The following CNTNAP5 variants were observed in gnomAD, a reference collection of about 807,000 sequenced individuals.
CNTNAP5 encodes contactin associated protein family member 5.
Under a neutral mutation model 150.2 loss-of-function variants are expected in CNTNAP5, and 72 were observed. The observed-to-expected ratio is 0.48, with a 90% CI of 0.40 to 0.58. The LOEUF is 0.58. Ranked by LOEUF, CNTNAP5 falls within the 20% of genes least tolerant of loss-of-function variation. CNTNAP5 has a pLI of 0.00. For missense variants in CNTNAP5, 1,636 were observed against 1,626.2 expected (o/e 1.01, Z -0.10); for synonymous variants, 672 against 619.8 (o/e 1.08, Z -1.25).
chr2:124,060,097 GA>G (rs1388934524), intron 1 of CNTNAP5, among the ~76,000 whole-genome samples: 2 of 152,130 alleles, frequency 1.3e-5, no homozygotes, highest in Non-Finnish European at 2.9e-5. Context: ...AGAAGTTTAA[GA>G]AATTCTATTT....
intron 13 of CNTNAP5, among the ~76,000 whole-genome samples, chr2:124,655,557 A>G (rs1678425776): frequency 1.4e-5 from 2 of 141,818 alleles, no homozygotes; most frequent in Non-Finnish European, 3.2e-5. Flanking sequence ...ATATATATAT[A>G]TATTTACCAA....
intron 1 of CNTNAP5, among the ~76,000 whole-genome samples, chr2:124,142,691 AG>A (rs1304895349): frequency 7.9e-6 from 1 of 126,446 alleles, no homozygotes; most frequent in African/African-American, 3.2e-5. Context: ...AAAGCAGGAA[AG>A]ATCCAAAATT....
At chr2:124,118,477 G>A (rs1398252829) in intron 1 of CNTNAP5, among the ~76,000 whole-genome samples, 1 of 152,194 alleles carries the variant, frequency 6.6e-6, no homozygotes, top group Non-Finnish European at 1.5e-5. Context: ...TTGTTTTCCA[G>A]TAAGAAACTG....
chr2:124,576,732 T>A (rs1346428045), intron 11 of CNTNAP5, among the ~76,000 whole-genome samples: 3 of 152,214 alleles, frequency 2.0e-5, no homozygotes, highest in Non-Finnish European at 2.9e-5. Flanking sequence ...TGGGAAATTA[T>A]TCACCTTCTC....
intron 6 of CNTNAP5, 114 bp downstream of exon 6, chr2:124,447,051 CTGGGACTTACTTCCTCCATCTA>C (rs1225603173): frequency 2.1e-6 from 2 of 933,612 alleles, no homozygotes; most frequent in African/African-American, 3.3e-5. Context: ...GAGTCTTACC[CTGGGACTTACTTCCTCCATCTA>C]TGCCAGATAG....
rs139326665 is a variant in CNTNAP5, at chr2:124,466,352, G to T, written c.919-8387G>T. ...TTTCTTTACTTATGACTTAAAATTT[G>T]ATGGTTTCCTGTAGATTTTGGTCAC... On this transcript the variant is annotated intron_variant, in intron 6 of 23. Coordinates refer to ENST00000682447, the MANE Select transcript of CNTNAP5 (RefSeq NM_001367498.1). Among the ~76,000 whole-genome samples, 306 of 152,158 alleles carry T rather than the reference G, an allele frequency of 2.0e-3. 1 individual carries two copies. Among genetic ancestry groups the T allele is most frequent in the African/African-American group, 6.9e-3 (288 of 41,518 alleles).
At chr2:124,332,047 A>C (rs868382750) in intron 3 of CNTNAP5, among the ~76,000 whole-genome samples, 6 of 151,846 alleles carry the variant, frequency 4.0e-5, no homozygotes, top group Middle Eastern at 6.8e-3. Flanking sequence ...TCCTTTATAA[A>C]ATTTTTATAA....
At chr2:124,714,126 T>A (rs576236494) in intron 13 of CNTNAP5, among the ~76,000 whole-genome samples, 1 of 152,156 alleles carries the variant, frequency 6.6e-6, no homozygotes, top group Admixed American at 6.6e-5. Flanking sequence ...TTTGCTCCCA[T>A]GGTGTTCCAT....
chr2:124,120,927 C>G (rs944353441), intron 1 of CNTNAP5, among the ~76,000 whole-genome samples: 1 of 152,018 alleles, frequency 6.6e-6, no homozygotes, highest in Non-Finnish European at 1.5e-5. Context: ...TGAGGGGTCT[C>G]TGTTGGATCT....
chr2:124,567,959 A>T (rs753822663), intron 11 of CNTNAP5, among the ~76,000 whole-genome samples: 53 of 152,320 alleles, frequency 3.5e-4, no homozygotes, highest in South Asian at 1.0e-3. Flanking sequence ...TACAGATGAG[A>T]ACATTGAGGC....
intron 12 of CNTNAP5, among the ~76,000 whole-genome samples, chr2:124,629,350 TAACA>T (rs1230606705): frequency 6.6e-6 from 1 of 152,164 alleles, no homozygotes; most frequent in East Asian, 1.9e-4. Flanking sequence ...ACTGAAATTA[TAACA>T]AACAATCTCT....
intron 12 of CNTNAP5, among the ~76,000 whole-genome samples, chr2:124,630,608 G>A (rs1488360569): frequency 6.6e-6 from 1 of 152,112 alleles, no homozygotes; most frequent in Non-Finnish European, 1.5e-5. Context: ...AAAACCCACA[G>A]CCAACATCAT....
At chr2:124,836,580 G>A (rs1181393757) in intron 19 of CNTNAP5, among the ~76,000 whole-genome samples, 1 of 152,096 alleles carries the variant, frequency 6.6e-6, no homozygotes, top group African/African-American at 2.4e-5. Flanking sequence ...CCTCAAGAAA[G>A]CATAGTAACC....
intron 2 of CNTNAP5, among the ~76,000 whole-genome samples, chr2:124,239,112 T>A (rs1358123476): frequency 6.6e-6 from 1 of 152,196 alleles, no homozygotes; most frequent in Admixed American, 6.5e-5. Flanking sequence ...AAGCTAAGTT[T>A]TTTTACTGTG....
intron 1 of CNTNAP5, among the ~76,000 whole-genome samples, chr2:124,157,111 T>C (rs1235308749): frequency 2.0e-5 from 3 of 152,196 alleles, no homozygotes; most frequent in Non-Finnish European, 4.4e-5. Context: ...AAGTGTAAAA[T>C]GAAGAACGTG....
At chr2:124,488,389 A>T in intron 7 of CNTNAP5, among the ~76,000 whole-genome samples, 1 of 152,136 alleles carries the variant, frequency 6.6e-6, no homozygotes, top group East Asian at 1.9e-4. Context: ...TTGTGGTTTC[A>T]GTTTGGGAAA....
chr2:124,385,366 C>T (rs947174136), intron 3 of CNTNAP5, among the ~76,000 whole-genome samples: 1 of 152,154 alleles, frequency 6.6e-6, no homozygotes. Context: ...TTTCTCTTTA[C>T]CCCACTTCAA....
intron 2 of CNTNAP5, among the ~76,000 whole-genome samples, chr2:124,239,165 A>T (rs1272462215): frequency 1.3e-5 from 2 of 151,492 alleles, no homozygotes; most frequent in Non-Finnish European, 2.9e-5. Context: ...ATTTGCAGAA[A>T]CTTTAATGCT....
At chr2:124,627,160 G>A (rs533816144) in intron 12 of CNTNAP5, among the ~76,000 whole-genome samples, 64 of 152,222 alleles carry the variant, frequency 4.2e-4, no homozygotes, top group East Asian at 1.2e-3. Flanking sequence ...CCTGCCTGCC[G>A]GCTCTGAAAA....
Sources: gnomAD v4.1 joint callset for allele counts (sites outside exome capture counted in the v4.1 genomes callset) on GRCh38, gnomAD v4.1.1 for gene constraint, MANE v1.5 for transcripts, NCBI Gene and HGNC (gene_info 2026-07-23, HGNC 2026-07-21) for gene names.